Variants in GPR160 observed in about 807,000 individuals in gnomAD.
GPR160 encodes the protein G protein-coupled receptor 160, also known as probable G protein-coupled receptor 160.
A neutral mutation model predicts 2.6 loss-of-function variants in GPR160; 2 were observed. The ratio of observed to expected loss-of-function variants is 0.77; its 90% confidence interval spans 0.32 to 2.44. The LOEUF is 2.44. Among genes scored for constraint, GPR160 ranks in the 30% most tolerant of loss-of-function variants. GPR160 has a pLI of 0.11. For synonymous variants in GPR160, 130 were observed against 132.2 expected (o/e 0.98, Z 0.12); for missense variants, 351 against 383.6 (o/e 0.91, Z 0.71).
At position 170,085,018 on chromosome 3, in the gene GPR160, T is replaced by G. The variant is rs762689539; in HGVS notation, c.*29T>G. ...TATTAATTAAAAGTTACAGCTGTCA[T>G]AAGATCATAATTTTATGAACAGAAA... On this transcript the variant is annotated 3_prime_UTR_variant, in exon 4 of 4. Coordinates refer to ENST00000355897, the MANE Select transcript of GPR160 (RefSeq NM_014373.3). 3.4e-6 allele frequency: 4 copies of G among 1,183,602 alleles called. No individual in the cohort carries two copies. Among genetic ancestry groups the G allele is most frequent in the Non-Finnish European group, 4.7e-6 (4 of 852,860 alleles). 73.3% of individuals were successfully genotyped at this position (1,183,602 alleles called of 1,614,324 possible). A position where few individuals can be genotyped will look rare whatever the true frequency, so the allele number is the denominator to read the frequency against.
chr3:170,074,233 C>T (rs1043792805), intron 2 of GPR160, among the ~76,000 whole-genome samples: 8 of 151,922 alleles, frequency 5.3e-5, no homozygotes, highest in African/African-American at 1.2e-4. Context: ...GACGGAGTTT[C>T]GGTAGTGTCT....
In GPR160 at chr3:170,038,576, C is replaced by T. The variant is rs1310051611; in HGVS notation, c.-321-339C>T. ...GAGATGCTTTTTAAACATGACAAAC[C>T]CAGCAAGGTTATAGAAATGGGTGTA... On this transcript the variant is annotated intron_variant, in intron 1 of 3. Coordinates refer to ENST00000355897, the MANE Select transcript of GPR160 (RefSeq NM_014373.3). This position sits in a 1 kb window ranked among gnomAD's most constrained non-coding sequence, Gnocchi z 5.3. 1 of 152,034 alleles carries T rather than the reference C, an allele frequency of 6.6e-6. No homozygotes were observed. The highest frequency in any genetic ancestry group is 1.5e-5 in the Non-Finnish European group (1 of 68,024). 9.4% of individuals were successfully genotyped at this position (152,034 alleles called of 1,614,324 possible). A position where few individuals can be genotyped will look rare whatever the true frequency, so the allele number is the denominator to read the frequency against.
intron 2 of GPR160, among the ~76,000 whole-genome samples, chr3:170,045,443 A>AAAAAAAAAAAAAAAAAAAAAC (rs1559981277): frequency 1.5e-5 from 2 of 131,470 alleles, no homozygotes; most frequent in African/African-American, 6.9e-5. Flanking sequence ...AAAAAAAAAA[A>AAAAAAAAAAAAAAAAAAAAAC]AAAACCAATT....
chr3:170,050,189 A>G (rs1196734450), intron 2 of GPR160, among the ~76,000 whole-genome samples: 1 of 150,622 alleles, frequency 6.6e-6, no homozygotes, highest in Non-Finnish European at 1.5e-5. Context: ...CCTCTCGAGT[A>G]GCTGGGATTA....
intron 2 of GPR160, among the ~76,000 whole-genome samples, chr3:170,040,867 T>C (rs916865022): frequency 6.6e-6 from 1 of 152,222 alleles, no homozygotes; most frequent in Admixed American, 6.5e-5. Context: ...GATCATGACA[T>C]GTAAATATTT....
intron 2 of GPR160, among the ~76,000 whole-genome samples, chr3:170,042,969 C>T (rs1352728301): frequency 6.6e-6 from 1 of 151,004 alleles, no homozygotes; most frequent in African/African-American, 2.4e-5. Flanking sequence ...GCAAGCTCTG[C>T]CTCCCGGATT....
At chr3:170,076,599 A>G (rs542064217) in intron 2 of GPR160, among the ~76,000 whole-genome samples, 1 of 151,694 alleles carries the variant, frequency 6.6e-6, no homozygotes, top group East Asian at 1.9e-4. Context: ...GCTGGAGTGT[A>G]GTGGTGCAAT....
chr3:170,077,700 T>C (rs1712927833), intron 2 of GPR160: 1 of 152,380 alleles, frequency 6.6e-6, no homozygotes, highest in African/African-American at 2.4e-5. Context: ...GCTTTCGGCA[T>C]TATGTCTGTA....
intron 2 of GPR160, among the ~76,000 whole-genome samples, chr3:170,048,220 C>T (rs1419906175): frequency 1.3e-5 from 2 of 152,130 alleles, no homozygotes. Context: ...GCTATGGGTA[C>T]ACAGAGGCAT....
At chr3:170,066,172 G>A (rs1307472157) in intron 2 of GPR160, among the ~76,000 whole-genome samples, 2 of 101,832 alleles carry the variant, frequency 2.0e-5, no homozygotes, top group African/African-American at 8.2e-5. Context: ...ACAGAGCCTC[G>A]CTCTGTCACC....
At chr3:170,062,861 A>G in intron 2 of GPR160, 2 of 470,134 alleles carry the variant, frequency 4.3e-6, no homozygotes, top group Middle Eastern at 6.3e-4. Context: ...GACCTCATCA[A>G]TGACAAAGGC....
chr3:170,083,177 G>T (rs1333235333), intron 3 of GPR160, among the ~76,000 whole-genome samples: 1 of 151,592 alleles, frequency 6.6e-6, no homozygotes, highest in Non-Finnish European at 1.5e-5. Context: ...CAAAATGTAT[G>T]TATCACTGAA....
chr3:170,072,711 A>G (rs540524948), intron 2 of GPR160, among the ~76,000 whole-genome samples: 3 of 152,098 alleles, frequency 2.0e-5, no homozygotes, highest in Non-Finnish European at 2.9e-5. Flanking sequence ...GTAAACAAAT[A>G]AGAGTGAGGA....
At chr3:170,069,976 G>A (rs950499909) in intron 2 of GPR160, among the ~76,000 whole-genome samples, 2 of 152,002 alleles carry the variant, frequency 1.3e-5, no homozygotes, top group African/African-American at 4.8e-5. Context: ...TTTTCTCTGT[G>A]TACCAGCATC....
At chr3:170,065,218 C>G (rs893694448) in intron 2 of GPR160, among the ~76,000 whole-genome samples, 1 of 152,092 alleles carries the variant, frequency 6.6e-6, no homozygotes, top group Non-Finnish European at 1.5e-5. Flanking sequence ...AATTACATTT[C>G]CTTTCTAAAC....
chr3:170,055,060 T>C (rs1711561914), intron 2 of GPR160, among the ~76,000 whole-genome samples: 1 of 152,196 alleles, frequency 6.6e-6, no homozygotes, highest in Admixed American at 6.5e-5. Context: ...TCCCAAAGTA[T>C]TGGGATTATA....
intron 2 of GPR160, among the ~76,000 whole-genome samples, chr3:170,049,444 C>G (rs1334072841): frequency 6.6e-6 from 1 of 152,222 alleles, no homozygotes; most frequent in Admixed American, 6.5e-5. Context: ...AATTATTTCC[C>G]TCAACCCAGA....
chr3:170,082,055 CTAT>C (rs754520441), intron 3 of GPR160, among the ~76,000 whole-genome samples: 34 of 152,108 alleles, frequency 2.2e-4, no homozygotes, highest in Non-Finnish European at 4.0e-4. Flanking sequence ...CATCAGTGAC[CTAT>C]TTTTAGGCAA....
At chr3:170,045,444 A>AAAAAAAC (rs1559981285) in intron 2 of GPR160, among the ~76,000 whole-genome samples, 3 of 127,950 alleles carry the variant, frequency 2.3e-5, no homozygotes, top group Admixed American at 8.1e-5. Flanking sequence ...AAAAAAAAAA[A>AAAAAAAC]AAACCAATTA....
Sources: gnomAD v4.1 joint callset for allele counts (sites outside exome capture counted in the v4.1 genomes callset) on GRCh38, gnomAD v4.1.1 for gene constraint, Gnocchi (gnomAD v3.1) non-coding constraint, MANE v1.5 for transcripts, NCBI Gene and HGNC (gene_info 2026-07-23, HGNC 2026-07-21) for gene names.